Variants in ZNF84 observed in about 807,000 individuals in gnomAD.
The protein encoded by ZNF84 is zinc finger protein HPF2.
Under a neutral mutation model 14.8 loss-of-function variants are expected in ZNF84, and 12 were observed. That is an observed-to-expected ratio of 0.81 (90% CI 0.52 to 1.31). The LOEUF (loss-of-function observed/expected upper bound fraction) is 1.31, where lower values mean the gene tolerates loss of function less well. ZNF84 is among the 50% of genes most tolerant of loss of function. The pLI is 0.00. For synonymous variants in ZNF84, 347 were observed against 291.1 expected (o/e 1.19, Z -1.96); for missense variants, 859 against 878.6 (o/e 0.98, Z 0.28).
intron 1 of ZNF84, chr12:133,039,127 G>A (rs1283814260): frequency 3.9e-5 from 6 of 152,132 alleles, no homozygotes; most frequent in Admixed American, 3.3e-4. Flanking sequence ...ATGACTGTGT[G>A]CCAGCTTTTG....
chr12:133,044,119 T>G (rs1953936737), intron 2 of ZNF84, among the ~76,000 whole-genome samples: 1 of 151,718 alleles, frequency 6.6e-6, no homozygotes, highest in African/African-American at 2.4e-5. Flanking sequence ...TTTTTCATGT[T>G]AACAAAAACA....
chr12:133,045,913 A>G (rs1412008180), intron 2 of ZNF84, among the ~76,000 whole-genome samples: 1 of 151,728 alleles, frequency 6.6e-6, no homozygotes, highest in Non-Finnish European at 1.5e-5. Context: ...CTTTGGTATT[A>G]TTTGATAGTG....
chr12:133,042,929 G>T (rs904874020), intron 2 of ZNF84, among the ~76,000 whole-genome samples: 1 of 152,128 alleles, frequency 6.6e-6, no homozygotes, highest in Non-Finnish European at 1.5e-5. Flanking sequence ...TCTCCCAGTC[G>T]TCACAACCTC....
intron 2 of ZNF84, among the ~76,000 whole-genome samples, chr12:133,044,508 T>C (rs1953944582): frequency 6.6e-6 from 1 of 152,182 alleles, no homozygotes; most frequent in African/African-American, 2.4e-5. Context: ...ACATAGATCT[T>C]GCATTTTTTT....
At chr12:133,045,720 A>G (rs894703312) in intron 2 of ZNF84, among the ~76,000 whole-genome samples, 1 of 152,122 alleles carries the variant, frequency 6.6e-6, no homozygotes, top group Non-Finnish European at 1.5e-5. Context: ...CTGGCCATTT[A>G]TGATGTGTCT....
intron 4 of ZNF84, among the ~76,000 whole-genome samples, chr12:133,051,128 T>TA (rs1290793486): frequency 4.9e-4 from 73 of 149,422 alleles, no homozygotes; most frequent in East Asian, 4.6e-3. Flanking sequence ...TTTTTTGTTT[T>TA]ATGTGGTAAG....
intron 2 of ZNF84, 171 bp from the exon 3 acceptor site, chr12:133,047,780 TGGAA>T: frequency 1.7e-6 from 1 of 599,592 alleles, no homozygotes; most frequent in Admixed American, 2.8e-5. Flanking sequence ...GTTGTATAAA[TGGAA>T]GGATGGAAGA....
chr12:133,057,094 A>T lies in ZNF84; in HGVS notation c.379A>T (p.Asn127Tyr). ...NMNFVPLRKS[N>Y]SEGDLDGLIL... ...GAACTTTGTTCCTTTAAGGAAATCAAACAGTGAAGGTGACTTAGATGGATT... is the reference window on the plus strand; with the variant it reads ...GAACTTTGTTCCTTTAAGGAAATCATACAGTGAAGGTGACTTAGATGGATT... Residue 127 changes from asparagine (N) to tyrosine (Y), a missense_variant, in exon 5 of 5, where the codon AAC (asparagine) becomes TAC (tyrosine). Transcript: ENST00000539354. 1 of 1,613,608 alleles carries T rather than the reference A, an allele frequency of 6.2e-7. No homozygotes were observed. The highest frequency in any genetic ancestry group is 8.5e-7 in the Non-Finnish European group (1 of 1,179,890).
intron 4 of ZNF84, chr12:133,050,583 C>G (rs2137382910): frequency 5.0e-6 from 2 of 398,646 alleles, no homozygotes; most frequent in East Asian, 7.1e-5. Context: ...ATCTCCCATT[C>G]ATGGTCAGTT....
rs905783598 is a variant in ZNF84 at position 133,062,345 on chromosome 12, A to C, written c.*3413A>C. The stretch of plus-strand genomic sequence containing the variant: ...TGGTTTCGGGAACATCACTTTTAGA[A>C]TGTTGACATAAAATGCACCCACAGA... On this transcript the variant is annotated 3_prime_UTR_variant, in exon 5 of 5. Transcript: ENST00000539354. The C allele has an allele frequency of 6.6e-6, 1 of 152,222 alleles. No individual in the cohort carries two copies. The highest frequency in any genetic ancestry group is 2.4e-5 in the African/African-American group (1 of 41,452). The allele number at this position is 152,222 out of a possible 1,614,324, so 9.4% of individuals were successfully genotyped here.
intron 4 of ZNF84, among the ~76,000 whole-genome samples, chr12:133,053,226 C>A (rs1307335295): frequency 1.3e-5 from 2 of 151,680 alleles, no homozygotes; most frequent in Non-Finnish European, 2.9e-5. Context: ...CACAAATGAC[C>A]AAATATAAGG....
Position 133,057,333 on chromosome 12 carries a change from C to CT in ZNF84, c.619dup (p.Tyr207LeufsTer2). 1.2e-6 allele frequency: 2 copies of CT among 1,613,644 alleles called. No individual in the cohort carries two copies. The highest frequency in any genetic ancestry group is 1.1e-5 in the South Asian group (1 of 91,008). On this transcript the variant is annotated frameshift_variant, in exon 5 of 5. Transcript: ENST00000539354. LOFTEE classifies it low-confidence loss of function (END_TRUNC). The stretch of plus-strand genomic sequence containing the variant: ...ATAGAAATCGTTTAGGGGAGAAACT[C>CT]TATGAATGCAGTGAATGTAGGAAGC...
In ZNF84 at chr12:133,057,411, C is replaced by G; in HGVS notation, c.696C>G (p.Asp232Glu). Residue 232 changes from aspartate (D) to glutamate (E), a missense_variant, in exon 5 of 5, where the codon GAC becomes GAG. Coordinates refer to ENST00000539354, the MANE Select transcript of ZNF84 (RefSeq NM_001289971.2). ...LIKHQSRHIR[D>E]IAFGCGNCGK... ...AACATCAGAGCAGACATATAAGAGACATAGCCTTTGGCTGTGGTAATTGTG... is the reference window on the plus strand; with the variant it reads ...AACATCAGAGCAGACATATAAGAGAGATAGCCTTTGGCTGTGGTAATTGTG... 5 of 1,614,174 alleles carry G rather than the reference C, an allele frequency of 3.1e-6. No homozygotes were observed. The highest frequency in any genetic ancestry group is 4.2e-6 in the Non-Finnish European group (5 of 1,180,036).
In ZNF84 at chr12:133,061,013, C is replaced by A. The variant is rs1191924590; in HGVS notation, c.*2081C>A. ...CCTTTACCTTAAACAATATTTTCTCCTTTAATTATTGATTTTGCAACATTT... is the reference window on the plus strand; with the variant it reads ...CCTTTACCTTAAACAATATTTTCTCATTTAATTATTGATTTTGCAACATTT... On this transcript the variant is annotated 3_prime_UTR_variant, in exon 5 of 5. Transcript: ENST00000539354. The A allele has an allele frequency of 1.3e-5, 2 of 152,112 alleles. No homozygotes were observed. The highest frequency in any genetic ancestry group is 2.9e-5 in the Non-Finnish European group (2 of 68,036). 9.4% of individuals were successfully genotyped at this position (152,112 alleles called of 1,614,324 possible). A position where few individuals can be genotyped will look rare whatever the true frequency, so the allele number is the denominator to read the frequency against.
chr12:133,042,967 C>G (rs1953911564), intron 2 of ZNF84, among the ~76,000 whole-genome samples: 2 of 152,140 alleles, frequency 1.3e-5, no homozygotes, highest in Non-Finnish European at 2.9e-5. Context: ...AACCAGGATC[C>G]TTTTTTGGTC....
intron 2 of ZNF84, among the ~76,000 whole-genome samples, chr12:133,046,975 A>G (rs1300540978): frequency 7.0e-6 from 1 of 143,876 alleles, no homozygotes; most frequent in Non-Finnish European, 1.5e-5. Flanking sequence ...TATATTATTT[A>G]TATATATATA....
chr12:133,061,285 A>AC lies in ZNF84; in HGVS notation c.*2355dup, dbSNP rs1378715476. The stretch of plus-strand genomic sequence containing the variant: ...GATCACTTGAGGTCAGGAGTTGAAG[A>AC]CCAGCATGTTCATGGCCAACATGGC... On this transcript the variant is annotated 3_prime_UTR_variant, in exon 5 of 5. Coordinates refer to ENST00000539354, the MANE Select transcript of ZNF84 (RefSeq NM_001289971.2). The AC allele has an allele frequency of 6.6e-6, 1 of 152,092 alleles. No homozygotes were observed. The highest frequency in any genetic ancestry group is 2.4e-5 in the African/African-American group (1 of 41,432). 9.4% of individuals were successfully genotyped at this position (152,092 alleles called of 1,614,324 possible).
chr12:133,049,008 G>A (rs1396780437), intron 4 of ZNF84, among the ~76,000 whole-genome samples, 160 bp downstream of exon 4: 6 of 152,216 alleles, frequency 3.9e-5, no homozygotes, highest in South Asian at 2.1e-4. Flanking sequence ...GTCAGTGATG[G>A]GTTGGCATCT....
intron 4 of ZNF84, among the ~76,000 whole-genome samples, chr12:133,052,490 G>A (rs1954088405): frequency 6.6e-6 from 1 of 152,092 alleles, no homozygotes; most frequent in Non-Finnish European, 1.5e-5. Context: ...CACCACACCT[G>A]GCTAATTAAA....
Sources: gnomAD v4.1 joint callset for allele counts (sites outside exome capture counted in the v4.1 genomes callset) on GRCh38, gnomAD v4.1.1 for gene constraint, MANE v1.5 for transcripts, NCBI Gene and HGNC (gene_info 2026-07-23, HGNC 2026-07-21) for gene names.